Variants in NECAB2 observed in about 807,000 individuals in gnomAD.
NECAB2 encodes the protein N-terminal EF-hand calcium binding protein 2.
In NECAB2, 68 loss-of-function variants were observed where a neutral mutation model predicts 51.9. The observed-to-expected ratio is 1.31, with a 90% CI of 1.08 to 1.60. NECAB2 has a LOEUF of 1.60. NECAB2 is among the 40% of genes most tolerant of loss of function. The pLI is 0.00. For missense variants in NECAB2, 854 were observed against 490.3 expected, an observed-to-expected ratio of 1.74 and a Z score of -7.00; for synonymous variants, 329 against 203.5, an observed-to-expected ratio of 1.62 and a Z score of -5.25.
At position 83,997,152 on chromosome 16, in the gene NECAB2, T is replaced by G. The variant is rs150461775; in HGVS notation, c.796-64T>G. On this transcript the variant is annotated intron_variant, in intron 8 of 12. Coordinates refer to ENST00000305202, the MANE Select transcript of NECAB2 (RefSeq NM_019065.3). Reference sequence around the variant, plus strand: ...CCAACAGCCCCAGGGATCCCAGAGCTCCTGGCTCCCCGGGGCGGAGTGGGG... The same window carrying G: ...CCAACAGCCCCAGGGATCCCAGAGCGCCTGGCTCCCCGGGGCGGAGTGGGG... 1,261 of 1,605,666 alleles carry G rather than the reference T, an allele frequency of 7.9e-4. 12 individuals are homozygous for G. The African/African-American group carries it at 0.015, about 18-fold the overall frequency.
chr16:83,968,511 C>G lies in NECAB2; in HGVS notation c.-138C>G, dbSNP rs1020191442. On this transcript the variant is annotated 5_prime_UTR_variant, in exon 1 of 13. Coordinates refer to ENST00000305202, the MANE Select transcript of NECAB2 (RefSeq NM_019065.3). Reference sequence around the variant, plus strand: ...CCGCCCCCCGGCGCCGGCCAGTCCCCGCGGTGTCCGCGGCCGCGGGGGCAG... The same window carrying G: ...CCGCCCCCCGGCGCCGGCCAGTCCCGGCGGTGTCCGCGGCCGCGGGGGCAG... The G allele has an allele frequency of 2.9e-6, 2 of 686,114 alleles. No individual in the cohort carries two copies. Among genetic ancestry groups the G allele is most frequent in the African/African-American group, 3.9e-5 (2 of 50,672 alleles). The allele number at this position is 686,114 out of a possible 1,614,324, so 42.5% of individuals were successfully genotyped here. A position where few individuals can be genotyped will look rare whatever the true frequency, so the allele number is the denominator to read the frequency against.
chr16:83,968,856 A>G lies in NECAB2; in HGVS notation c.201+7A>G. 9.0e-7 allele frequency: 1 copy of G among 1,112,778 alleles called. No individual in the cohort carries two copies. The highest frequency in any genetic ancestry group is 1.1e-6 in the Non-Finnish European group (1 of 912,520). 68.9% of individuals were successfully genotyped at this position (1,112,778 alleles called of 1,614,324 possible). On this transcript the variant is annotated splice_region_variant and intron_variant, in intron 1 of 12. Transcript: ENST00000305202. ...CACCGCCGTCATCCTGGACGTGAGT[A>G]CGCGCCGGCCGGGACCCCCGCCGTG...
At chr16:83,984,127 C>T (rs1369757409) in intron 5 of NECAB2, among the ~76,000 whole-genome samples, 1 of 151,510 alleles carries the variant, frequency 6.6e-6, no homozygotes, top group Non-Finnish European at 1.5e-5. Flanking sequence ...TCCCGAGTAG[C>T]TGGGACTACA....
chr16:83,997,458 ATTTC>A (rs2084726158), intron 9 of NECAB2, among the ~76,000 whole-genome samples, 189 bp downstream of exon 9: 1 of 88,794 alleles, frequency 1.1e-5, no homozygotes, highest in Admixed American at 1.1e-4. Flanking sequence ...CTCCGGGGGT[ATTTC>A]TTGAGGCTCC....
At chr16:83,980,428 C>T (rs894815327) in intron 3 of NECAB2, among the ~76,000 whole-genome samples, 1 of 152,132 alleles carries the variant, frequency 6.6e-6, no homozygotes, top group Non-Finnish European at 1.5e-5. Flanking sequence ...TCTGCCACAA[C>T]CCCAGGAACT....
In NECAB2 at chr16:84,002,529, G is replaced by C; in HGVS notation, c.*183G>C. 4.0e-6 allele frequency: 3 copies of C among 757,330 alleles called. No homozygotes were observed. The highest frequency in any genetic ancestry group is 1.7e-5 in the South Asian group (1 of 59,282). 46.9% of individuals were successfully genotyped at this position (757,330 alleles called of 1,614,324 possible). ...TGCCCCCACCTGAGAAGGCAGAGCA[G>C]TGTCTGTGCTGCCAGGTCCTGGTGA... is the stretch of plus-strand genomic sequence containing the variant. On this transcript the variant is annotated 3_prime_UTR_variant, in exon 13 of 13. Transcript: ENST00000305202.
chr16:83,974,816 G>A (rs1480605757), intron 2 of NECAB2, among the ~76,000 whole-genome samples: 2 of 152,114 alleles, frequency 1.3e-5, no homozygotes, highest in East Asian at 1.9e-4. Context: ...TGAGTGTAGG[G>A]GTGAGAATAG....
At chr16:83,994,200 A>T in intron 6 of NECAB2, 102 bp from the exon 7 acceptor site, 1 of 1,017,732 alleles carries the variant, frequency 9.8e-7, no homozygotes, top group Non-Finnish European at 1.5e-6. Context: ...TGCATGTGTG[A>T]GTCCACTGTC....
At chr16:83,977,092 G>C (rs2084419975) in intron 2 of NECAB2, among the ~76,000 whole-genome samples, 1 of 152,246 alleles carries the variant, frequency 6.6e-6, no homozygotes, top group African/African-American at 2.4e-5. Flanking sequence ...GGCAGAGAAA[G>C]GAGAGTCTTT....
chr16:83,998,150 T>G (rs1270448563), intron 9 of NECAB2, 55 bp from the exon 10 acceptor site: 2 of 1,539,394 alleles, frequency 1.3e-6, no homozygotes, highest in Non-Finnish European at 1.8e-6. Context: ...TGATGGGGTG[T>G]TTAGGGAGAA....
At chr16:83,985,651 T>C (rs1466954917) in intron 5 of NECAB2, among the ~76,000 whole-genome samples, 2 of 150,576 alleles carry the variant, frequency 1.3e-5, no homozygotes, top group African/African-American at 4.9e-5. Context: ...AAAAAAAAAA[T>C]TACTGTTGGC....
intron 1 of NECAB2, among the ~76,000 whole-genome samples, chr16:83,969,223 T>G (rs761866601): frequency 1.1e-4 from 17 of 149,614 alleles, no homozygotes; most frequent in Non-Finnish European, 2.1e-4. Context: ...TCCAGCCGCC[T>G]CCTCCTCTCC....
chr16:84,002,404 C>G lies in NECAB2; in HGVS notation c.*58C>G. 1 of 1,560,080 alleles carries G rather than the reference C, an allele frequency of 6.4e-7. No individual in the cohort carries two copies. The highest frequency in any genetic ancestry group is 8.7e-7 in the Non-Finnish European group (1 of 1,150,786). On this transcript the variant is annotated 3_prime_UTR_variant, in exon 13 of 13. Coordinates refer to ENST00000305202, the MANE Select transcript of NECAB2 (RefSeq NM_019065.3). ...AGCCCCTTCTTCTTGTGAAGGAAAT[C>G]CCGTTTTTTTCTAGACAGACACTTT...
intron 5 of NECAB2, among the ~76,000 whole-genome samples, chr16:83,990,009 C>T (rs1173528858): frequency 6.6e-6 from 1 of 152,152 alleles, no homozygotes; most frequent in Non-Finnish European, 1.5e-5. Context: ...ATCCTCCTTG[C>T]AGGAGGAAGG....
intron 3 of NECAB2, among the ~76,000 whole-genome samples, chr16:83,979,637 A>C (rs2151088495): frequency 6.6e-6 from 1 of 151,914 alleles, no homozygotes; most frequent in African/African-American, 2.4e-5. Context: ...CCATTGATTT[A>C]GACCTTCTCT....
At position 83,994,675 on chromosome 16, in the gene NECAB2, G is replaced by A. The variant is rs780090537; in HGVS notation, c.782G>A (p.Arg261Lys). 6.2e-7 allele frequency: 1 copy of A among 1,614,116 alleles called. No homozygotes were observed. The highest frequency in any genetic ancestry group is 2.2e-5 in the East Asian group (1 of 44,878). Residue 261 changes from arginine to lysine, a missense_variant, in exon 8 of 13, where the codon AGG becomes AAG. Arg to Lys is a conservative substitution (Grantham distance 26). Transcript: ENST00000305202. ...AGCCGCTTGGCAGAGCTGATTGGGA[G>A]GCTGGAGAGCAAAGTAAGCCCTGGC... ...QISRLAELIG[R>K]LESKALWFDL...
intron 2 of NECAB2, among the ~76,000 whole-genome samples, chr16:83,974,043 C>A (rs931809077): frequency 6.6e-6 from 1 of 151,860 alleles, no homozygotes; most frequent in Non-Finnish European, 1.5e-5. Flanking sequence ...TGTCCACCCC[C>A]TGAGCACAGC....
rs2084840270 is a variant in NECAB2 at position 84,001,740 on chromosome 16, T to A, written c.1041-85T>A. 4.9e-6 allele frequency: 7 copies of A among 1,434,132 alleles called. No homozygotes were observed. The African/African-American group carries it at 7.3e-5, about 15-fold the overall frequency. 88.8% of individuals were successfully genotyped at this position (1,434,132 alleles called of 1,614,324 possible). A position where few individuals can be genotyped will look rare whatever the true frequency, so the allele number is the denominator to read the frequency against. Reference sequence around the variant, plus strand: ...GTGCTTATTGATAAGCTCCCCATTTTGGGCTAGAGCTAGGATTAACAGGGG... The same window carrying A: ...GTGCTTATTGATAAGCTCCCCATTTAGGGCTAGAGCTAGGATTAACAGGGG... On this transcript the variant is annotated intron_variant, in intron 11 of 12. Coordinates refer to ENST00000305202, the MANE Select transcript of NECAB2 (RefSeq NM_019065.3).
rs555543539 is a variant in NECAB2, at chr16:84,000,650, C to T, written c.963-74C>T. The stretch of plus-strand genomic sequence containing the variant: ...TTGTGTATAGTGGTGGGTCTCAGGC[C>T]ACCCCAGGGGAACAGCACTGAGGTG... On this transcript the variant is annotated intron_variant, in intron 10 of 12. Coordinates refer to ENST00000305202, the MANE Select transcript of NECAB2 (RefSeq NM_019065.3). 36 of 1,348,190 alleles carry T rather than the reference C, an allele frequency of 2.7e-5. No homozygotes were observed. The African/African-American group carries it at 4.5e-4, about 17-fold the overall frequency. 83.5% of individuals were successfully genotyped at this position (1,348,190 alleles called of 1,614,324 possible). A position where few individuals can be genotyped will look rare whatever the true frequency, so the allele number is the denominator to read the frequency against.
Sources: gnomAD v4.1 joint callset for allele counts (sites outside exome capture counted in the v4.1 genomes callset) on GRCh38, gnomAD v4.1.1 for gene constraint, MANE v1.5 for transcripts, NCBI Gene and HGNC (gene_info 2026-07-23, HGNC 2026-07-21) for gene names.